MINDY4: variants seen among roughly 807,000 people sequenced by gnomAD.
The protein encoded by MINDY4 is MINDY lysine 48 deubiquitinase 4.
A neutral mutation model predicts 87.0 loss-of-function variants in MINDY4; 68 were observed. The observed-to-expected ratio is 0.78, with a 90% CI of 0.64 to 0.96. The LOEUF is 0.96. Among genes scored for constraint, MINDY4 ranks in the 40% least tolerant of loss-of-function variants. The probability of loss-of-function intolerance (pLI) is 0.00; values close to 1 mark genes in which losing one functional copy is unlikely to be tolerated. For missense variants in MINDY4, 919 were observed against 928.2 expected (o/e 0.99, Z 0.13); for synonymous variants, 379 against 363.2 (o/e 1.04, Z -0.50).
intron 5 of MINDY4, among the ~76,000 whole-genome samples, chr7:30,818,603 T>A (rs1276132203): frequency 2.6e-5 from 4 of 152,206 alleles, no homozygotes; most frequent in Non-Finnish European, 5.9e-5. Flanking sequence ...TCAGTGAGAT[T>A]CATAGCTGGG....
rs1176212442 is a variant in MINDY4 at position 30,857,461 on chromosome 7, G to GTTTTTT, written c.1678-1772_1678-1767dup. 2.0e-4 allele frequency among the ~76,000 whole-genome samples: 12 copies of GTTTTTT among 58,984 alleles called. 1 individual carries two copies. The highest frequency in any genetic ancestry group is 6.2e-4 in the South Asian group (1 of 1,626). The allele number at this position is 58,984 out of a possible 152,430, so 38.7% of individuals were successfully genotyped here. Reference sequence around the variant, plus strand: ...AAGAGGAGAGATCCATATCCACCTTGTTTTTTTTTTTTTTTTTTTTTTTTT... The same window carrying GTTTTTT: ...AAGAGGAGAGATCCATATCCACCTTGTTTTTTTTTTTTTTTTTTTTTTTTTTTTTTT... On this transcript the variant is annotated intron_variant, in intron 12 of 17. Transcript: ENST00000265299.
At chr7:30,813,909 G>A (rs548563204) in intron 5 of MINDY4, among the ~76,000 whole-genome samples, 50 of 152,250 alleles carry the variant, frequency 3.3e-4, no homozygotes, top group African/African-American at 1.2e-3. Flanking sequence ...TTTCATGATG[G>A]GGCAGTGTAG....
At chr7:30,888,906 C>T (rs1236847166) in intron 17 of MINDY4, among the ~76,000 whole-genome samples, 1 of 152,176 alleles carries the variant, frequency 6.6e-6, no homozygotes, top group Non-Finnish European at 1.5e-5. Flanking sequence ...CAGATGTTGT[C>T]TAGTGGTAGA....
chr7:30,811,575 A>G lies in MINDY4; in HGVS notation c.1074-17104A>G, dbSNP rs531433964. Among the ~76,000 whole-genome samples, 138 of 152,350 alleles carry G rather than the reference A, an allele frequency of 9.1e-4. 1 individual carries two copies. The highest frequency in any genetic ancestry group is 6.8e-3 in the Middle Eastern group (2 of 294). On this transcript the variant is annotated intron_variant, in intron 5 of 17. Transcript: ENST00000265299. Reference sequence around the variant, plus strand: ...ATGCCCGATTTCTGCTTCCAAAGAAAGAAGAAGTAAAAACTAAAAGGCAGA... The same window carrying G: ...ATGCCCGATTTCTGCTTCCAAAGAAGGAAGAAGTAAAAACTAAAAGGCAGA...
chr7:30,867,126 C>A (rs1789960510), intron 13 of MINDY4, among the ~76,000 whole-genome samples: 1 of 152,150 alleles, frequency 6.6e-6, no homozygotes, highest in Non-Finnish European at 1.5e-5. Context: ...AAGCGATTTA[C>A]CAAAGGTCAC....
At chr7:30,878,647 G>T (rs1790363536) in intron 15 of MINDY4, among the ~76,000 whole-genome samples, 2 of 152,208 alleles carry the variant, frequency 1.3e-5, no homozygotes, top group Admixed American at 1.3e-4. Context: ...CAGGAGGGAT[G>T]GGGTGGGACA....
chr7:30,830,022 C>T (rs950341051), intron 6 of MINDY4, among the ~76,000 whole-genome samples: 1 of 151,938 alleles, frequency 6.6e-6, no homozygotes. Flanking sequence ...GCCATGGAAC[C>T]CAGTCACGGA....
In MINDY4 at chr7:30,850,529, G is replaced by C. The variant is rs749666092; in HGVS notation, c.1521G>C (p.Gly507=). ...TCGCAGACATTGTGTGGCGGGCAGG[G>C]GGCCGAGAGAGAGCCGTTGTTGCAC... The part of the protein sequence containing the change: ...LALADIVWRA[G]GRERAVVALA... Residue 507 remains glycine (G), a synonymous_variant, in exon 10 of 18, where the codon GGG becomes GGC. Transcript: ENST00000265299. 25 of 1,608,348 alleles carry C rather than the reference G, an allele frequency of 1.6e-5. No homozygotes were observed. The highest frequency in any genetic ancestry group is 2.0e-5 in the Non-Finnish European group (23 of 1,177,544).
intron 13 of MINDY4, among the ~76,000 whole-genome samples, chr7:30,863,668 C>T (rs1186970630): frequency 1.3e-5 from 2 of 152,122 alleles, no homozygotes; most frequent in Non-Finnish European, 2.9e-5. Context: ...GTAAACCTAG[C>T]CGAGTGCTGC....
At chr7:30,797,476 C>G (rs1237058881) in intron 5 of MINDY4, among the ~76,000 whole-genome samples, 2 of 152,146 alleles carry the variant, frequency 1.3e-5, no homozygotes, top group Admixed American at 6.5e-5. Flanking sequence ...AGGGAACTTG[C>G]ACTTTGATCT....
chr7:30,861,043 GGACACACACAGA>G (rs1789747983), intron 13 of MINDY4, among the ~76,000 whole-genome samples: 2 of 152,026 alleles, frequency 1.3e-5, no homozygotes, highest in South Asian at 4.1e-4. Context: ...ACAAAGACAT[GGACACACACAGA>G]GACACATAGT....
intron 17 of MINDY4, among the ~76,000 whole-genome samples, chr7:30,886,220 G>T (rs148040467): frequency 1.3e-5 from 2 of 152,190 alleles, no homozygotes; most frequent in Non-Finnish European, 2.9e-5. Context: ...GGCCAGTCTG[G>T]TGGGCAGGTA....
intron 3 of MINDY4, among the ~76,000 whole-genome samples, chr7:30,785,299 CA>C (rs1562529936): frequency 3.9e-5 from 5 of 126,746 alleles, no homozygotes; most frequent in East Asian, 1.9e-4. Flanking sequence ...CACACACACA[CA>C]CCCATTGGCA....
chr7:30,846,407 A>G (rs971259199), intron 9 of MINDY4, among the ~76,000 whole-genome samples: 3 of 152,208 alleles, frequency 2.0e-5, no homozygotes, highest in African/African-American at 7.2e-5. Context: ...TATTTTCCCT[A>G]TCTCTAGATA....
chr7:30,892,072 C>T lies in MINDY4; in HGVS notation c.*67C>T. 2.6e-6 allele frequency: 4 copies of T among 1,568,028 alleles called. No homozygotes were observed. The highest frequency in any genetic ancestry group is 1.7e-4 in the Middle Eastern group (1 of 5,990). On this transcript the variant is annotated 3_prime_UTR_variant, in exon 18 of 18. Transcript: ENST00000265299. ...CTCATCACCGAGGATGACAGCTGAA[C>T]CCCAAGCCTCTGGGGCAGGTCTCAT...
chr7:30,886,101 A>G (rs1790625545), intron 17 of MINDY4, among the ~76,000 whole-genome samples: 1 of 152,126 alleles, frequency 6.6e-6, no homozygotes, highest in African/African-American at 2.4e-5. Flanking sequence ...TCGTGGCATG[A>G]GCTCAGGTCA....
rs1294713372 is a variant in MINDY4, at chr7:30,853,308, A to G, written c.1612-86A>G. 5.3e-6 allele frequency: 6 copies of G among 1,141,520 alleles called. No individual in the cohort carries two copies. In the South Asian group the frequency reaches 6.5e-5, roughly 12 times the overall value. The allele number at this position is 1,141,520 out of a possible 1,614,324, so 70.7% of individuals were successfully genotyped here. A position where few individuals can be genotyped will look rare whatever the true frequency, so the allele number is the denominator to read the frequency against. On this transcript the variant is annotated intron_variant, in intron 11 of 17. Coordinates refer to ENST00000265299, the MANE Select transcript of MINDY4 (RefSeq NM_032222.3). ...CATTCCCAAGTTGGATTTTGTAGCT[A>G]CTAAAGCCAGGGAGCAGAAGCTAAT...
chr7:30,883,014 G>A (rs1028540769), intron 17 of MINDY4, 21 bp downstream of exon 17: 5 of 1,611,888 alleles, frequency 3.1e-6, no homozygotes, highest in Non-Finnish European at 4.2e-6. Context: ...CCCCTCTCTG[G>A]CTTTGAGCCT....
intron 15 of MINDY4, among the ~76,000 whole-genome samples, chr7:30,877,432 G>T (rs1014148022): frequency 1.3e-5 from 2 of 152,152 alleles, no homozygotes; most frequent in African/African-American, 2.4e-5. Flanking sequence ...CTCCTCGTGG[G>T]CTTCTTGGAT....
Sources: gnomAD v4.1 joint callset for allele counts (sites outside exome capture counted in the v4.1 genomes callset) on GRCh38, gnomAD v4.1.1 for gene constraint, MANE v1.5 for transcripts, NCBI Gene and HGNC (gene_info 2026-07-23, HGNC 2026-07-21) for gene names.